Variants in MDGA2 observed in about 807,000 individuals in gnomAD.
MDGA2 encodes MAM domain containing glycosylphosphatidylinositol anchor 2.
Under a neutral mutation model 117.8 loss-of-function variants are expected in MDGA2, and 40 were observed. The observed-to-expected ratio is 0.34, with a 90% CI of 0.26 to 0.44. MDGA2 has a LOEUF of 0.44. Ranked by LOEUF, MDGA2 falls within the 20% of genes least tolerant of loss-of-function variation. The pLI is 1.00. For missense variants in MDGA2, 1,123 were observed against 1,250.6 expected (o/e 0.90, Z 1.54); for synonymous variants, 452 against 439.0 (o/e 1.03, Z -0.37).
intron 14 of MDGA2, among the ~76,000 whole-genome samples, chr14:46,868,615 A>G (rs78660758): frequency 6.6e-6 from 1 of 152,036 alleles, no homozygotes; most frequent in Non-Finnish European, 1.5e-5. Flanking sequence ...TTTTTAAAAA[A>G]GACAGCAAGA....
chr14:47,223,931 AC>A (rs966837467), intron 2 of MDGA2, among the ~76,000 whole-genome samples: 9 of 152,088 alleles, frequency 5.9e-5, no homozygotes, highest in Admixed American at 2.0e-4. Context: ...CCCTTAAAAA[AC>A]AATCAGATCT....
chr14:47,542,681 C>T (rs938574011), intron 1 of MDGA2, among the ~76,000 whole-genome samples: 4 of 152,094 alleles, frequency 2.6e-5, no homozygotes, highest in African/African-American at 9.7e-5. Context: ...TTAAAAATTG[C>T]TATGTACCTA....
chr14:47,037,368 G>C (rs948243052), intron 7 of MDGA2, among the ~76,000 whole-genome samples: 3 of 152,138 alleles, frequency 2.0e-5, no homozygotes, highest in Non-Finnish European at 4.4e-5. Flanking sequence ...AATTTGAACA[G>C]AATACAAACA....
chr14:47,347,650 A>G (rs1371895910), intron 1 of MDGA2, among the ~76,000 whole-genome samples: 1 of 152,230 alleles, frequency 6.6e-6, no homozygotes, highest in Non-Finnish European at 1.5e-5. Flanking sequence ...GCACTGCAAC[A>G]TGAAACACAG....
In MDGA2 at chr14:46,973,917, G is replaced by A. The variant is rs1886359545; in HGVS notation, c.1820-16274C>T. 2.1e-5 allele frequency among the ~76,000 whole-genome samples: 3 copies of A among 141,648 alleles called. No individual in the cohort carries two copies. In the South Asian group the frequency reaches 6.7e-4, roughly 32 times the overall value. The allele number at this position is 141,648 out of a possible 152,430, so 92.9% of individuals were successfully genotyped here. On this transcript the variant is annotated intron_variant, in intron 8 of 16. Transcript: ENST00000399232. ...AAATTATTGTTATTTTTTTTTTTTT[G>A]GAGATACAGTTTTATTCATGATTAC...
In MDGA2 at chr14:47,163,282, C is replaced by G. The variant is rs901026018; in HGVS notation, c.596-19008G>C. 2.6e-5 allele frequency among the ~76,000 whole-genome samples: 4 copies of G among 152,154 alleles called. No homozygotes were observed. The South Asian group carries it at 6.2e-4, about 24-fold the overall frequency. On this transcript the variant is annotated intron_variant, in intron 3 of 16. Coordinates refer to ENST00000399232, the MANE Select transcript of MDGA2 (RefSeq NM_001113498.3). ...AGCCTCAGGACAGAGAACACTTTCC[C>G]AACCTACCTCTACTATGCGCATGGC...
chr14:47,491,159 C>T (rs918973569), intron 1 of MDGA2, among the ~76,000 whole-genome samples: 2 of 151,986 alleles, frequency 1.3e-5, no homozygotes, highest in African/African-American at 4.8e-5. Flanking sequence ...AAAATTATCA[C>T]TAAGGCTTAT....
intron 10 of MDGA2, among the ~76,000 whole-genome samples, chr14:46,893,655 C>A (rs1882968464): frequency 6.6e-6 from 1 of 151,800 alleles, no homozygotes; most frequent in Non-Finnish European, 1.5e-5. Context: ...TTAAAAAAGA[C>A]AAATTTAAAA....
chr14:47,273,753 G>A lies in MDGA2; in HGVS notation c.420+27658C>T, dbSNP rs150392516. ...TTTTTAAAAATAATTTCAAAAGCCT[G>A]TTTGAATGTAAAGGATAATATAGTG... On this transcript the variant is annotated intron_variant, in intron 2 of 16. Coordinates refer to ENST00000399232, the MANE Select transcript of MDGA2 (RefSeq NM_001113498.3). 2.1e-3 allele frequency among the ~76,000 whole-genome samples: 319 copies of A among 152,208 alleles called. 3 individuals carry two copies. The highest frequency in any genetic ancestry group is 6.9e-3 in the African/African-American group (288 of 41,550).
chr14:47,242,515 C>T (rs1887080137), intron 2 of MDGA2, among the ~76,000 whole-genome samples: 1 of 151,826 alleles, frequency 6.6e-6, no homozygotes, highest in South Asian at 2.1e-4. Context: ...TGGGCGTGGG[C>T]TTGGTGGGCC....
At chr14:47,593,421 C>T (rs141216508) in intron 1 of MDGA2, among the ~76,000 whole-genome samples, 21 of 152,288 alleles carry the variant, frequency 1.4e-4, no homozygotes, top group Admixed American at 1.1e-3. Context: ...TATAAAGATA[C>T]ATGCATGCGT....
chr14:47,266,678 T>C (rs556811925), intron 2 of MDGA2, among the ~76,000 whole-genome samples: 3 of 152,340 alleles, frequency 2.0e-5, no homozygotes, highest in African/African-American at 7.2e-5. Flanking sequence ...TTTTCCCCTC[T>C]TAGAGTGACT....
At chr14:47,284,241 A>ACTCTATT (rs1888596128) in intron 2 of MDGA2, among the ~76,000 whole-genome samples, 1 of 152,214 alleles carries the variant, frequency 6.6e-6, no homozygotes, top group African/African-American at 2.4e-5. Flanking sequence ...TGGAATAGAG[A>ACTCTATT]CATGCAAAGT....
intron 6 of MDGA2, among the ~76,000 whole-genome samples, chr14:47,093,535 G>A (rs1450055908): frequency 1.3e-5 from 2 of 152,078 alleles, no homozygotes; most frequent in Non-Finnish European, 2.9e-5. Flanking sequence ...CCCTTCAGGT[G>A]TATTAGGCAA....
intron 2 of MDGA2, among the ~76,000 whole-genome samples, chr14:47,247,941 A>C (rs1475549319): frequency 6.6e-6 from 1 of 151,362 alleles, no homozygotes; most frequent in Non-Finnish European, 1.5e-5. Context: ...GATGGTTTCC[A>C]GCTTCATTCA....
intron 14 of MDGA2, among the ~76,000 whole-genome samples, chr14:46,861,698 T>C (rs1459092196): frequency 6.6e-6 from 1 of 151,956 alleles, no homozygotes; most frequent in Non-Finnish European, 1.5e-5. Flanking sequence ...ACATATATAG[T>C]AATAATTATA....
At chr14:47,107,122 C>T (rs1035495347) in intron 5 of MDGA2, among the ~76,000 whole-genome samples, 1 of 148,930 alleles carries the variant, frequency 6.7e-6, no homozygotes, top group African/African-American at 2.5e-5. Flanking sequence ...CGATCATGCA[C>T]CCCTTACCAT....
At chr14:47,102,390 CACAA>C (rs1204909696) in intron 5 of MDGA2, among the ~76,000 whole-genome samples, 49 of 117,890 alleles carry the variant, frequency 4.2e-4, no homozygotes, top group African/African-American at 1.4e-3. Context: ...CACACACACA[CACAA>C]ACACACACAC....
At chr14:47,289,831 CACAG>C (rs953449728) in intron 2 of MDGA2, among the ~76,000 whole-genome samples, 2 of 152,030 alleles carry the variant, frequency 1.3e-5, no homozygotes, top group Non-Finnish European at 2.9e-5. Context: ...ACATAGATTT[CACAG>C]AGAGACATCT....
Sources: gnomAD v4.1 joint callset for allele counts (sites outside exome capture counted in the v4.1 genomes callset) on GRCh38, gnomAD v4.1.1 for gene constraint, MANE v1.5 for transcripts, NCBI Gene and HGNC (gene_info 2026-07-23, HGNC 2026-07-21) for gene names.